The following POLQ variants were observed in gnomAD, a reference collection of about 807,000 sequenced individuals.
POLQ encodes DNA polymerase theta.
A neutral mutation model predicts 259.2 loss-of-function variants in POLQ; 233 were observed. That is an observed-to-expected ratio of 0.90 (90% CI 0.81 to 1.00). The LOEUF is 1.00. Among genes scored for constraint, POLQ ranks in the 50% least tolerant of loss-of-function variants. POLQ has a pLI of 0.00. For missense variants in POLQ, 2,871 were observed against 3,051.6 expected (o/e 0.94, Z 1.39); for synonymous variants, 1,025 against 1,048.8 (o/e 0.98, Z 0.44).
Position 121,488,490 on chromosome 3 carries a change from T to G in POLQ, c.4441A>C (p.Thr1481Pro). 6.2e-7 allele frequency: 1 copy of G among 1,608,534 alleles called. No homozygotes were observed. The highest frequency in any genetic ancestry group is 8.5e-7 in the Non-Finnish European group (1 of 1,178,022). ...AAACTATCACTCATATTCAAACTTG[T>G]TTCAGGAACTGGAAGACATTCTCCT... is the stretch of plus-strand genomic sequence containing the variant. ...VEGECLPVPE[T>P]SLNMSDSLLF... The change falls in exon 16 of 30, where the codon ACA (threonine) becomes CCA (proline). Residue 1481 changes from threonine (T) to proline (P), a missense_variant. Transcript: ENST00000264233.
intron 7 of POLQ, among the ~76,000 whole-genome samples, chr3:121,527,472 T>C (rs139128198): frequency 5.3e-4 from 80 of 152,326 alleles, no homozygotes; most frequent in African/African-American, 1.8e-3. Flanking sequence ...GCTGGAATTA[T>C]TGACATAAGC....
At chr3:121,466,394 A>G (rs2108787033) in intron 24 of POLQ, among the ~76,000 whole-genome samples, 1 of 122,964 alleles carries the variant, frequency 8.1e-6, no homozygotes, top group South Asian at 3.5e-4. Context: ...AAAGAAAGAA[A>G]TTACCATACA....
chr3:121,436,268 C>T lies in POLQ; in HGVS notation c.7397G>A (p.Arg2466His), dbSNP rs367989768. The change falls in exon 28 of 30, where the codon CGT becomes CAT. Residue 2466 changes from arginine (R) to histidine (H), a missense_variant. Coordinates refer to ENST00000264233, the MANE Select transcript of POLQ (RefSeq NM_199420.4). ...NNPYRKAHAE[R>H]QAINTIVQGS... ...TTGGACTATTGTGTTGATAGCTTGA[C>T]GCTCAGCCTAGAAAAAACAATCAAC... 1.1e-5 allele frequency: 18 copies of T among 1,613,622 alleles called. No individual in the cohort carries two copies. The highest frequency in any genetic ancestry group is 2.2e-5 in the East Asian group (1 of 44,844).
intron 25 of POLQ, among the ~76,000 whole-genome samples, chr3:121,458,159 C>G (rs1210976491): frequency 6.6e-6 from 1 of 152,056 alleles, no homozygotes; most frequent in Non-Finnish European, 1.5e-5. Context: ...ACCGCATGTT[C>G]TCACTCATAG....
rs765707311 is a variant in POLQ at position 121,537,092 on chromosome 3, G to A, written c.740+8C>T. 1.2e-5 allele frequency: 16 copies of A among 1,335,050 alleles called. No homozygotes were observed. The highest frequency in any genetic ancestry group is 4.3e-5 in the African/African-American group (3 of 69,276). 82.7% of individuals were successfully genotyped at this position (1,335,050 alleles called of 1,614,324 possible). A position where few individuals can be genotyped will look rare whatever the true frequency, so the allele number is the denominator to read the frequency against. On this transcript the variant is annotated splice_region_variant and intron_variant, in intron 5 of 29. Transcript: ENST00000264233. ...AATCTCAGGAACTCAGTTATTTCAC[G>A]TACTTACCAAGATGCTGATTTCCGA...
At position 121,522,080 on chromosome 3, in the gene POLQ, T is replaced by G. The variant is rs772578599; in HGVS notation, c.1178A>C (p.Gln393Pro). The change falls in exon 8 of 30, where the codon CAG becomes CCG. Residue 393 changes from glutamine to proline, a missense_variant. Gln to Pro is a moderately conservative substitution (Grantham distance 76). Coordinates refer to ENST00000264233, the MANE Select transcript of POLQ (RefSeq NM_199420.4). The part of the protein sequence containing the change: ...EQKELLEVMD[Q>P]LRRLPSGLDS... ...CAGTCCTGAAGGCAAACGTCTTAAC[T>G]GATCCATCACTTCCAGGAGTTCTTT... is the stretch of plus-strand genomic sequence containing the variant. 1.2e-6 allele frequency: 2 copies of G among 1,611,178 alleles called. No homozygotes were observed. The highest frequency in any genetic ancestry group is 1.7e-6 in the Non-Finnish European group (2 of 1,178,192).
rs1051364335 is a variant in POLQ, at chr3:121,471,915, T to A, written c.6718+75A>T. On this transcript the variant is annotated intron_variant, in intron 22 of 29. Coordinates refer to ENST00000264233, the MANE Select transcript of POLQ (RefSeq NM_199420.4). ...TGATCAACACTTGAATTCTTGGCCA[T>A]CATAAAAAATATTACATATGAAAAT... 7.2e-5 allele frequency: 56 copies of A among 777,092 alleles called. No individual in the cohort carries two copies. In the African/African-American group the frequency reaches 9.2e-4, roughly 13 times the overall value. 48.1% of individuals were successfully genotyped at this position (777,092 alleles called of 1,614,324 possible).
At chr3:121,454,061 A>G (rs537179272) in intron 25 of POLQ, among the ~76,000 whole-genome samples, 23 of 152,346 alleles carry the variant, frequency 1.5e-4, no homozygotes, top group African/African-American at 5.3e-4. Context: ...GCCAGAAGAG[A>G]GTGGGGGCCA....
intron 11 of POLQ, 52 bp from the exon 12 acceptor site, chr3:121,509,755 T>C (rs759950000): frequency 2.0e-6 from 3 of 1,522,362 alleles, no homozygotes; most frequent in African/African-American, 1.4e-5. Flanking sequence ...CAAAATAAAA[T>C]AAAACAAAAT....
At chr3:121,493,370 TA>T in intron 15 of POLQ, 107 bp downstream of exon 15, 2 of 819,126 alleles carry the variant, frequency 2.4e-6, no homozygotes, top group South Asian at 2.3e-5. Flanking sequence ...ACCAAGTATA[TA>T]ATAAGATTAT....
chr3:121,469,768 T>A (rs546223697), intron 22 of POLQ, among the ~76,000 whole-genome samples: 1 of 152,214 alleles, frequency 6.6e-6, no homozygotes, highest in Non-Finnish European at 1.5e-5. Context: ...TATAGCTTAA[T>A]GGATATGAAG....
At chr3:121,478,122 A>C (rs2047941508) in intron 19 of POLQ, among the ~76,000 whole-genome samples, 1 of 152,142 alleles carries the variant, frequency 6.6e-6, no homozygotes, top group South Asian at 2.1e-4. Context: ...AGTTAAGGGG[A>C]TATAGATCCT....
chr3:121,468,313 G>A lies in POLQ; in HGVS notation c.6837C>T (p.Pro2279=). The change falls in exon 23 of 30, where the codon CCC becomes CCT. Residue 2279 remains proline, a synonymous_variant. Coordinates refer to ENST00000264233, the MANE Select transcript of POLQ (RefSeq NM_199420.4). ...AGAGAAACAGCACCTACCTGCCCAT[G>A]GGAAGTAGGCCTTTGCCTACAGCTT... ...PSQAVGKGLL[P]MGRGKYKKGF... 4.3e-6 allele frequency: 7 copies of A among 1,611,776 alleles called. No homozygotes were observed. Among genetic ancestry groups the A allele is most frequent in the Non-Finnish European group, 5.9e-6 (7 of 1,179,006 alleles).
In POLQ at chr3:121,490,137, T is replaced by C. The variant is rs780434213; in HGVS notation, c.2794A>G (p.Lys932Glu). The C allele has an allele frequency of 6.2e-7, 1 of 1,609,660 alleles. No homozygotes were observed. Among genetic ancestry groups the C allele is most frequent in the Non-Finnish European group, 8.5e-7 (1 of 1,177,330 alleles). ...TFISQTKSSY[K>E]KLTSKNKSNT... ...CTTTTGTTCTTTGATGTTAATTTTT[T>C]ATAAGAACTCTTAGTTTGGGATATA... is the stretch of plus-strand genomic sequence containing the variant. Residue 932 changes from lysine to glutamate, a missense_variant, in exon 16 of 30, where the codon AAA becomes GAA. This residue lies in a region of POLQ where 2,080 missense variants were observed against 2,126.0 expected (regional missense o/e 0.98). Transcript: ENST00000264233.
Position 121,473,337 on chromosome 3 carries a change from C to T in POLQ, c.6543+13G>A. 6.2e-7 allele frequency: 1 copy of T among 1,605,072 alleles called. No individual in the cohort carries two copies. Among genetic ancestry groups the T allele is most frequent in the South Asian group, 1.1e-5 (1 of 88,736 alleles). On this transcript the variant is annotated intron_variant, in intron 21 of 29. Coordinates refer to ENST00000264233, the MANE Select transcript of POLQ (RefSeq NM_199420.4). ...TAGGTTCTGCCCTGCTCTGTGACTGCCCCAAAGAGCACCTTACTAGTGCTG... is the reference window on the plus strand; with the variant it reads ...TAGGTTCTGCCCTGCTCTGTGACTGTCCCAAAGAGCACCTTACTAGTGCTG...
At position 121,488,031 on chromosome 3, in the gene POLQ, C is replaced by T. The variant is rs769119685; in HGVS notation, c.4900G>A (p.Ala1634Thr). The T allele has an allele frequency of 5.6e-6, 9 of 1,613,568 alleles. No homozygotes were observed. Among genetic ancestry groups the T allele is most frequent in the African/African-American group, 1.3e-5 (1 of 75,000 alleles). The change falls in exon 16 of 30, where the codon GCA becomes ACA. Residue 1634 changes from alanine (A) to threonine (T), a missense_variant. This residue lies in a region of POLQ where 2,080 missense variants were observed against 2,126.0 expected (regional missense o/e 0.98). Transcript: ENST00000264233. ...RQNHSFIWSG[A>T]SFDLSPGLQR... The stretch of plus-strand genomic sequence containing the variant: ...AGTCCTGGACTTAGATCAAATGATG[C>T]CCCTGACCATATGAATGAATGATTT...
chr3:121,466,691 G>GAA (rs202168653), intron 24 of POLQ, among the ~76,000 whole-genome samples: 6 of 127,804 alleles, frequency 4.7e-5, no homozygotes, highest in Non-Finnish European at 6.8e-5. Context: ...ACTCCATCTC[G>GAA]AAAAAAAAAA....
chr3:121,543,489 C>G (rs1229024823), intron 2 of POLQ, among the ~76,000 whole-genome samples: 1 of 152,172 alleles, frequency 6.6e-6, no homozygotes, highest in African/African-American at 2.4e-5. Flanking sequence ...GTTTTCAAAT[C>G]CAACCAGTCT....
intron 9 of POLQ, among the ~76,000 whole-genome samples, chr3:121,516,871 C>A (rs949426114): frequency 3.9e-5 from 6 of 152,132 alleles, no homozygotes; most frequent in African/African-American, 1.4e-4. Context: ...CATATGACAT[C>A]CTGAAATACA....
Sources: allele counts gnomAD v4.1 joint callset (sites outside exome capture counted in the v4.1 genomes callset), GRCh38; gene constraint gnomAD v4.1.1; regional missense constraint gnomAD v4.1.1; transcripts MANE v1.5; gene names NCBI Gene and HGNC (gene_info 2026-07-23, HGNC 2026-07-21).